ADGRL3: variants seen among roughly 807,000 people sequenced by gnomAD.
ADGRL3 encodes the protein adhesion G protein-coupled receptor L3, also known as calcium-independent alpha-latrotoxin receptor 3.
Under a neutral mutation model 153.5 loss-of-function variants are expected in ADGRL3, and 62 were observed. The observed-to-expected ratio is 0.40, with a 90% CI of 0.33 to 0.50. The LOEUF is 0.50. ADGRL3 is among the 20% of genes least tolerant of loss of function. ADGRL3 has a pLI of 0.47. For missense variants in ADGRL3, 1,641 were observed against 1,859.4 expected, an observed-to-expected ratio of 0.88 and a Z score of 2.16; for synonymous variants, 710 against 672.5, an observed-to-expected ratio of 1.06 and a Z score of -0.86.
intron 5 of ADGRL3, among the ~76,000 whole-genome samples, chr4:61,646,337 T>C (rs1052620023): frequency 1.6e-4 from 25 of 152,130 alleles, no homozygotes; most frequent in Non-Finnish European, 3.5e-4. Context: ...AGGAACTGCG[T>C]TCCTTTGGAG....
At chr4:61,244,728 A>G (rs891201015) in intron 1 of ADGRL3, among the ~76,000 whole-genome samples, 1 of 151,998 alleles carries the variant, frequency 6.6e-6, no homozygotes, top group African/African-American at 2.4e-5. Flanking sequence ...TCTGGCAAAA[A>G]TAGGAATGAT....
intron 3 of ADGRL3, among the ~76,000 whole-genome samples, chr4:61,510,036 T>C (rs1560756106): frequency 6.6e-6 from 1 of 152,192 alleles, no homozygotes; most frequent in Non-Finnish European, 1.5e-5. Flanking sequence ...GAGTGTCCTT[T>C]TTGTGTTTGT....
chr4:61,326,326 G>A lies in ADGRL3; in HGVS notation c.-239-56798G>A, dbSNP rs539782900. Among the ~76,000 whole-genome samples the A allele has an allele frequency of 5.3e-5, 8 of 152,026 alleles. No homozygotes were observed. In the East Asian group the frequency reaches 1.5e-3, roughly 29 times the overall value. On this transcript the variant is annotated intron_variant, in intron 1 of 26. Coordinates refer to ENST00000683033, the MANE Select transcript of ADGRL3 (RefSeq NM_001387552.1). ...TTTCAAATTTTCAGGAGACACAGAA[G>A]GAGATTCCTGACCATTTTCTACGTT...
chr4:62,062,521 TTTTC>T (rs1387451364), intron 25 of ADGRL3, among the ~76,000 whole-genome samples: 24 of 152,148 alleles, frequency 1.6e-4, no homozygotes, highest in Non-Finnish European at 2.2e-4. Flanking sequence ...CTTTGTGACT[TTTTC>T]TTTCTTTATT....
chr4:61,430,008 C>T (rs1335064377), intron 2 of ADGRL3, among the ~76,000 whole-genome samples: 1 of 152,076 alleles, frequency 6.6e-6, no homozygotes, highest in Admixed American at 6.5e-5. Flanking sequence ...ATCCCATCAA[C>T]AGTTTTGGAC....
intron 19 of ADGRL3, 116 bp from the exon 20 acceptor site, chr4:61,996,175 C>T (rs779686174): frequency 2.8e-5 from 19 of 670,462 alleles, no homozygotes; most frequent in Non-Finnish European, 4.9e-5. Flanking sequence ...TGTAATATTT[C>T]CTGTCTCCCA....
chr4:61,756,513 T>C (rs2152113647), intron 8 of ADGRL3, among the ~76,000 whole-genome samples: 1 of 152,292 alleles, frequency 6.6e-6, no homozygotes, highest in South Asian at 2.1e-4. Flanking sequence ...CTTAAGGAGA[T>C]TTTGGGCTGA....
chr4:61,567,321 ATGTT>A (rs1230993078), intron 4 of ADGRL3, among the ~76,000 whole-genome samples: 2 of 152,200 alleles, frequency 1.3e-5, no homozygotes, highest in African/African-American at 4.8e-5. Context: ...TAAGTTCTGA[ATGTT>A]TGTGTCCACC....
intron 2 of ADGRL3, among the ~76,000 whole-genome samples, chr4:61,411,694 A>AATTATGTTTTCTCC (rs1478948998): frequency 2.6e-5 from 4 of 152,050 alleles, no homozygotes; most frequent in African/African-American, 9.7e-5. Context: ...AACTTTATTA[A>AATTATGTTTTCTCC]ATTATGTTTT....
At chr4:61,330,497 G>A (rs2095550254) in intron 1 of ADGRL3, among the ~76,000 whole-genome samples, 1 of 152,100 alleles carries the variant, frequency 6.6e-6, no homozygotes. Context: ...CAGCTTTCCC[G>A]GTTCTCAAGC....
intron 8 of ADGRL3, among the ~76,000 whole-genome samples, chr4:61,783,012 G>A (rs138311822): frequency 2.2e-3 from 330 of 152,226 alleles, no homozygotes; most frequent in African/African-American, 7.4e-3. Context: ...GATAAGAAAC[G>A]TATTCCCAGG....
rs1424224463 is a variant in ADGRL3, at chr4:62,076,858, G to A, written c.*5950G>A. ...TTTTAGTAGCTTTGTACCTTTTAAA[G>A]CTCTATTATGAATCTTTCTAATACA... On this transcript the variant is annotated 3_prime_UTR_variant, in exon 27 of 27. Transcript: ENST00000683033. 6.6e-6 allele frequency: 1 copy of A among 151,412 alleles called. No individual in the cohort carries two copies. The highest frequency in any genetic ancestry group is 1.5e-5 in the Non-Finnish European group (1 of 67,750). The allele number at this position is 151,412 out of a possible 1,614,324, so 9.4% of individuals were successfully genotyped here.
At chr4:61,970,910 TGCCA>T (rs1316575823) in intron 17 of ADGRL3, among the ~76,000 whole-genome samples, 1 of 152,088 alleles carries the variant, frequency 6.6e-6, no homozygotes, top group Non-Finnish European at 1.5e-5. Flanking sequence ...GTTAGATCAA[TGCCA>T]GGAATTTTTT....
chr4:61,526,086 C>T (rs2152936149), intron 4 of ADGRL3, among the ~76,000 whole-genome samples: 2 of 152,224 alleles, frequency 1.3e-5, no homozygotes, highest in Middle Eastern at 6.8e-3. Context: ...GTGATCAAGA[C>T]ATGGGTTGAT....
Position 61,267,932 on chromosome 4 carries a change from A to G in ADGRL3, c.-240+66167A>G, listed in dbSNP as rs190750687. ...ATGTTGAAAATACTTTAAAAAATAA[A>G]ACATCCTAATCAAGTAAGTTTTATG... On this transcript the variant is annotated intron_variant, in intron 1 of 26. Coordinates refer to ENST00000683033, the MANE Select transcript of ADGRL3 (RefSeq NM_001387552.1). 3.3e-5 allele frequency among the ~76,000 whole-genome samples: 5 copies of G among 151,844 alleles called. No individual in the cohort carries two copies. In the East Asian group the frequency reaches 9.7e-4, roughly 29 times the overall value.
chr4:61,786,467 G>C (rs1018129869), intron 8 of ADGRL3, among the ~76,000 whole-genome samples: 1 of 152,210 alleles, frequency 6.6e-6, no homozygotes, highest in African/African-American at 2.4e-5. Context: ...AATAGGAAGA[G>C]CATTCGTGAG....
intron 2 of ADGRL3, among the ~76,000 whole-genome samples, chr4:61,426,236 G>C (rs2097278631): frequency 6.6e-6 from 1 of 152,230 alleles, no homozygotes; most frequent in African/African-American, 2.4e-5. Flanking sequence ...ATTGGGCCCT[G>C]GTAAACTGCC....
At chr4:61,523,058 C>CGTGT (rs3075120) in intron 4 of ADGRL3, among the ~76,000 whole-genome samples, 3,425 of 150,526 alleles carry the variant, frequency 0.023, 112 homozygotes, top group East Asian at 0.15. Flanking sequence ...GAAAATTGTG[C>CGTGT]GTGTGTGTGT....
At chr4:61,577,117 C>T (rs748168056) in intron 4 of ADGRL3, among the ~76,000 whole-genome samples, 3 of 150,988 alleles carry the variant, frequency 2.0e-5, no homozygotes, top group Non-Finnish European at 4.4e-5. Context: ...AATTATATGC[C>T]ACTGAAAGCT....
Sources: allele counts gnomAD v4.1 joint callset (sites outside exome capture counted in the v4.1 genomes callset), GRCh38; gene constraint gnomAD v4.1.1; transcripts MANE v1.5; gene names NCBI Gene and HGNC (gene_info 2026-07-23, HGNC 2026-07-21).